GNAS: variants seen among roughly 807,000 people sequenced by gnomAD.
The protein encoded by GNAS is protein ALEX.
Under a neutral mutation model 54.5 loss-of-function variants are expected in GNAS, and 8 were observed. The ratio of observed to expected loss-of-function variants is 0.15; its 90% CI spans 0.09 to 0.26. GNAS has a LOEUF of 0.26. Among genes scored for constraint, GNAS ranks in the 10% least tolerant of loss-of-function variants. GNAS has a pLI of 1.00. For synonymous variants in GNAS, 204 were observed against 191.4 expected (o/e 1.07, Z -0.54); for missense variants, 170 against 529.8 (o/e 0.32, Z 6.67).
chr20:58,871,980 G>A (rs905826500), intron 1 of GNAS, among the ~76,000 whole-genome samples: 9 of 152,178 alleles, frequency 5.9e-5, no homozygotes, highest in African/African-American at 1.4e-4. Context: ...ACAGGAGTAC[G>A]GGGAGGAGAG....
At chr20:58,860,587 G>T (rs2086732011) in intron 1 of GNAS, among the ~76,000 whole-genome samples, 1 of 151,948 alleles carries the variant, frequency 6.6e-6, no homozygotes, top group Non-Finnish European at 1.5e-5. Flanking sequence ...TTCTAGTCCA[G>T]GCTAATTTCC....
chr20:58,898,483 A>C (rs773362371), intron 2 of GNAS: 1 of 171,722 alleles, frequency 5.8e-6, no homozygotes, highest in Non-Finnish European at 1.3e-5. Flanking sequence ...GTTTTGCAGG[A>C]AATCCTGGGC....
intron 1 of GNAS, among the ~76,000 whole-genome samples, chr20:58,865,854 C>T (rs1251354111): frequency 1.3e-5 from 2 of 152,132 alleles, no homozygotes; most frequent in African/African-American, 2.4e-5. Context: ...TTTGATTAAC[C>T]AAGTCAGTCC....
intron 1 of GNAS, among the ~76,000 whole-genome samples, chr20:58,883,784 G>T (rs1217664436): frequency 6.6e-6 from 1 of 152,132 alleles, no homozygotes; most frequent in Non-Finnish European, 1.5e-5. Context: ...GTGGCCTTGG[G>T]AAGGAGAGTT....
chr20:58,903,305 G>A, intron 3 of GNAS: 1 of 629,254 alleles, frequency 1.6e-6, no homozygotes, highest in Non-Finnish European at 2.9e-6. Flanking sequence ...GATTGCTAAG[G>A]CAATTTGCTA....
Position 58,853,111 on chromosome 20 carries a change from C to A in GNAS, c.43+12225C>A, listed in dbSNP as rs2086248851. 4 of 1,422,056 alleles carry A rather than the reference C, an allele frequency of 2.8e-6. No individual in the cohort carries two copies. Among genetic ancestry groups the A allele is most frequent in the Admixed American group, 2.9e-5 (1 of 34,376 alleles). The allele number at this position is 1,422,056 out of a possible 1,614,324, so 88.1% of individuals were successfully genotyped here. A position where few individuals can be genotyped will look rare whatever the true frequency, so the allele number is the denominator to read the frequency against. ...TCTAGGGTTCCTTCCAGGCCTTGAA[C>A]CCCCCAACCTCACAAGGGTTGGAAA... is the stretch of plus-strand genomic sequence containing the variant. On this transcript the variant is annotated intron_variant, in intron 1 of 12. Coordinates refer to the GNAS transcript ENST00000306090. The surrounding 1 kb of genome is among the most constrained non-coding windows in gnomAD (Gnocchi z 4.4).
intron 2 of GNAS, chr20:58,897,489 T>TAAAC (rs910254203): frequency 6.6e-6 from 1 of 152,256 alleles, no homozygotes; most frequent in Non-Finnish European, 1.5e-5. Context: ...CAGCAGCCAC[T>TAAAC]GTTTACCTTA....
In GNAS at chr20:58,911,176, T is replaced by G. The variant is rs1396606478; in HGVS notation, c.*347T>G. On this transcript the variant is annotated 3_prime_UTR_variant, in exon 13 of 13. Coordinates refer to ENST00000371085, the MANE Select transcript of GNAS (RefSeq NM_000516.7). ...CATTAAAAAAAATCAAAATAAAAAT[T>G]AAATGTGAGCAAAGAATGATGGGAC... 2.1e-6 allele frequency: 1 copy of G among 482,366 alleles called. No homozygotes were observed. The highest frequency in any genetic ancestry group is 2.0e-5 in the African/African-American group (1 of 51,142). 29.9% of individuals were successfully genotyped at this position (482,366 alleles called of 1,614,324 possible).
rs1207324283 is a variant in GNAS at position 58,853,618 on chromosome 20, T to C, written c.43+12732T>C. On this transcript the variant is annotated intron_variant, in intron 1 of 12. Transcript: ENST00000306090. This position sits in a 1 kb window ranked among gnomAD's most constrained non-coding sequence, Gnocchi z 4.4. ...AGCTTGGGAGGCTTCTGGCCTACAC[T>C]GGAGCAGCCTGGATTCCCCAGTGGG... 1 of 1,613,220 alleles carries C rather than the reference T, an allele frequency of 6.2e-7. No individual in the cohort carries two copies. Among genetic ancestry groups the C allele is most frequent in the East Asian group, 2.2e-5 (1 of 44,884 alleles).
In GNAS at chr20:58,891,678, G is replaced by GCCCGCCGCCGCCGCCGCCCGGCCGCGC; in HGVS notation, c.-35_-34insCGCCCGGCCGCGCCCCGCCGCCGCCGC. On this transcript the variant is annotated 5_prime_UTR_variant, in exon 1 of 13. Transcript: ENST00000371085. ...TCCCGGCCCGCGTGAGGCCGCCCGCGCCCGCCGCCGCCGCAGCCCGGCCGC... is the reference window on the plus strand; with the variant it reads ...TCCCGGCCCGCGTGAGGCCGCCCGCGCCCGCCGCCGCCGCCGCCCGGCCGCGCCCCGCCGCCGCCGCAGCCCGGCCGC... The GCCCGCCGCCGCCGCCGCCCGGCCGCGC allele has an allele frequency of 2.1e-6, 2 of 963,572 alleles. No individual in the cohort carries two copies. Among genetic ancestry groups the GCCCGCCGCCGCCGCCGCCCGGCCGCGC allele is most frequent in the Non-Finnish European group, 2.4e-6 (2 of 819,822 alleles). 59.7% of individuals were successfully genotyped at this position (963,572 alleles called of 1,614,324 possible). A position where few individuals can be genotyped will look rare whatever the true frequency, so the allele number is the denominator to read the frequency against.
intron 1 of GNAS, among the ~76,000 whole-genome samples, chr20:58,864,982 C>T (rs761314902): frequency 4.6e-5 from 7 of 152,016 alleles, no homozygotes; most frequent in Non-Finnish European, 7.4e-5. Context: ...CACACTCTCT[C>T]TCTCTCTCTC....
At chr20:58,878,380 T>C (rs910344298) in intron 1 of GNAS, among the ~76,000 whole-genome samples, 2 of 152,256 alleles carry the variant, frequency 1.3e-5, no homozygotes, top group African/African-American at 4.8e-5. Flanking sequence ...TTGATGGTTA[T>C]TAATGGGCAG....
chr20:58,892,644 T>G (rs1187536692), intron 1 of GNAS: 1 of 151,544 alleles, frequency 6.6e-6, no homozygotes, highest in Non-Finnish European at 1.5e-5. Context: ...CGACTGACTG[T>G]GTGTGCGCGG....
Position 58,858,328 on chromosome 20 carries a change from C to A in GNAS, c.43+17442C>A, listed in dbSNP as rs756980436. Among the ~76,000 whole-genome samples, 89 of 151,722 alleles carry A rather than the reference C, an allele frequency of 5.9e-4. 1 individual carries two copies. Among genetic ancestry groups the A allele is most frequent in the Admixed American group, 9.2e-4 (14 of 15,258 alleles). On this transcript the variant is annotated intron_variant, in intron 1 of 12. Transcript: ENST00000306090. ...GTGCTTATCCTTTCTGTTTTTATTG[C>A]CGGGACAATTTAATCTCATTACAGG...
At chr20:58,893,252 AAT>A (rs2089692067) in intron 1 of GNAS, among the ~76,000 whole-genome samples, 1 of 111,028 alleles carries the variant, frequency 9.0e-6, no homozygotes, top group Non-Finnish European at 1.8e-5. Context: ...TGATTAAAAA[AAT>A]AATAATAAAA....
upstream of GNAS, chr20:58,840,825 T>C: frequency 6.2e-7 from 1 of 1,612,814 alleles, no homozygotes; most frequent in Admixed American, 1.7e-5. The surrounding 1 kb of genome is among the most constrained non-coding windows in gnomAD (Gnocchi z 6.0). Flanking sequence ...AAGGGACCCA[T>C]CCCCATCCGG....
At chr20:58,864,048 C>G (rs577229365) in intron 1 of GNAS, 1 of 152,128 alleles carries the variant, frequency 6.6e-6, no homozygotes, top group South Asian at 2.1e-4. Flanking sequence ...TTCCAGCTCC[C>G]CCAGGGCTCT....
chr20:58,862,198 C>T (rs2086817183), intron 1 of GNAS, among the ~76,000 whole-genome samples: 2 of 151,940 alleles, frequency 1.3e-5, no homozygotes, highest in African/African-American at 4.8e-5. Flanking sequence ...CACTCTGTCG[C>T]CCAAGCTGGA....
At chr20:58,852,506 C>CCCACGTCT (rs2086220622) in intron 1 of GNAS, among the ~76,000 whole-genome samples, 1 of 152,196 alleles carries the variant, frequency 6.6e-6, no homozygotes, top group Non-Finnish European at 1.5e-5. Flanking sequence ...AGATCCGGGG[C>CCCACGTCT]TGCCTGGAGG....
Sources: allele counts gnomAD v4.1 joint callset (sites outside exome capture counted in the v4.1 genomes callset), GRCh38; gene constraint gnomAD v4.1.1; non-coding constraint Gnocchi (gnomAD v3.1); transcripts MANE v1.5; gene names NCBI Gene and HGNC (gene_info 2026-07-23, HGNC 2026-07-21).